Variants in CSMD2 observed in about 807,000 individuals in gnomAD.
CSMD2 encodes CUB and sushi domain-containing protein 2.
CSMD2 carries 130 observed loss-of-function variants against 398.5 expected under a neutral mutation model. The ratio of observed to expected loss-of-function variants is 0.33; its 90% CI spans 0.28 to 0.38. The LOEUF (loss-of-function observed/expected upper bound fraction) is 0.38, where lower values mean the gene tolerates loss of function less well. Ranked by LOEUF, CSMD2 falls within the 10% of genes least tolerant of loss-of-function variation. The pLI is 1.00. For synonymous variants in CSMD2, 1,828 were observed against 1,908.5 expected, an observed-to-expected ratio of 0.96 and a Z score of 1.10; for missense variants, 3,829 against 4,764.9, an observed-to-expected ratio of 0.80 and a Z score of 5.78.
rs916813751 is a variant in CSMD2 at position 33,575,125 on chromosome 1, G to A, written c.7576+2171C>T. ...CCCGGTGGTAAGAGGGACACTTCCT[G>A]TGGGTAGGAGGAGGAGGGGATACAA... On this transcript the variant is annotated intron_variant, in intron 49 of 70. Coordinates refer to ENST00000373381, the MANE Select transcript of CSMD2 (RefSeq NM_001281956.2). Among the ~76,000 whole-genome samples, 3 of 152,196 alleles carry A rather than the reference G, an allele frequency of 2.0e-5. No homozygotes were observed. The East Asian group carries it at 5.8e-4, about 29-fold the overall frequency.
chr1:33,854,081 C>T (rs1216958559), intron 5 of CSMD2, among the ~76,000 whole-genome samples: 1 of 152,170 alleles, frequency 6.6e-6, no homozygotes, highest in Non-Finnish European at 1.5e-5. Context: ...TTGATCCATC[C>T]CCATTCTTTT....
chr1:33,897,866 C>T (rs755208671), intron 5 of CSMD2, among the ~76,000 whole-genome samples: 19 of 152,188 alleles, frequency 1.2e-4, no homozygotes, highest in Non-Finnish European at 2.6e-4. Flanking sequence ...CCTCAATTCT[C>T]CCAGAGACCC....
intron 10 of CSMD2, among the ~76,000 whole-genome samples, chr1:33,800,999 T>C (rs1049497358): frequency 6.6e-6 from 1 of 152,136 alleles, no homozygotes; most frequent in Non-Finnish European, 1.5e-5. Flanking sequence ...CCAACGAGTA[T>C]GTCCCTGACA....
intron 25 of CSMD2, among the ~76,000 whole-genome samples, chr1:33,677,908 T>G (rs920746873): frequency 1.4e-4 from 17 of 125,540 alleles, no homozygotes; most frequent in Non-Finnish European, 9.3e-5. Flanking sequence ...AATTGAACAA[T>G]GAGAACACGT....
intron 19 of CSMD2, among the ~76,000 whole-genome samples, chr1:33,723,889 C>G (rs959957858): frequency 2.6e-5 from 4 of 152,214 alleles, no homozygotes; most frequent in Non-Finnish European, 5.9e-5. Context: ...GTGAGCTGAG[C>G]TGGCGTGTTG....
At chr1:33,796,977 C>T (rs1208167677) in intron 10 of CSMD2, among the ~76,000 whole-genome samples, 4 of 152,092 alleles carry the variant, frequency 2.6e-5, no homozygotes, top group East Asian at 1.9e-4. Flanking sequence ...ATTAGGGTGG[C>T]GAAAAAAACC....
intron 25 of CSMD2, among the ~76,000 whole-genome samples, chr1:33,687,562 T>TA (rs560690228): frequency 4.0e-4 from 61 of 151,574 alleles, no homozygotes; most frequent in Admixed American, 3.0e-3. Context: ...GAGTTAACAA[T>TA]AAAAAAAAGC....
intron 35 of CSMD2, among the ~76,000 whole-genome samples, 186 bp from the exon 36 acceptor site, chr1:33,623,652 G>A (rs1641914802): frequency 6.6e-6 from 1 of 152,250 alleles, no homozygotes; most frequent in South Asian, 2.1e-4. Context: ...TCGTTGTCCA[G>A]TGGGGAAGAC....
At chr1:33,821,411 G>A (rs1338236187) in intron 7 of CSMD2, among the ~76,000 whole-genome samples, 3 of 152,184 alleles carry the variant, frequency 2.0e-5, no homozygotes, top group Non-Finnish European at 4.4e-5. Context: ...TCCTGGCTTT[G>A]AGGATGACCA....
intron 1 of CSMD2, among the ~76,000 whole-genome samples, chr1:34,095,570 A>C (rs1659187972): frequency 6.6e-6 from 1 of 152,066 alleles, no homozygotes; most frequent in Admixed American, 6.5e-5. Context: ...AAAAATGATA[A>C]AGGGGATATC....
At chr1:33,962,434 C>G (rs1361487286) in intron 3 of CSMD2, among the ~76,000 whole-genome samples, 1 of 129,228 alleles carries the variant, frequency 7.7e-6, no homozygotes, top group Non-Finnish European at 1.7e-5. Flanking sequence ...AATCCAGCCA[C>G]TTTCAAGCAA....
intron 5 of CSMD2, among the ~76,000 whole-genome samples, chr1:33,905,035 G>C (rs1460133024): frequency 1.9e-4 from 29 of 151,928 alleles, no homozygotes. Context: ...GAACTCCTGA[G>C]CTCAAGCAGT....
intron 13 of CSMD2, among the ~76,000 whole-genome samples, chr1:33,761,177 T>A (rs1254757753): frequency 6.6e-6 from 1 of 152,142 alleles, no homozygotes; most frequent in African/African-American, 2.4e-5. Context: ...GGATATTCTG[T>A]CAGTCTTGAG....
chr1:33,867,316 C>T (rs1047258060), intron 5 of CSMD2, among the ~76,000 whole-genome samples: 1 of 152,104 alleles, frequency 6.6e-6, no homozygotes, highest in African/African-American at 2.4e-5. Context: ...GTCCACCAAC[C>T]ACAAGGAACT....
chr1:33,977,159 G>A (rs570579762), intron 3 of CSMD2, among the ~76,000 whole-genome samples: 8 of 152,042 alleles, frequency 5.3e-5, no homozygotes, highest in Non-Finnish European at 1.2e-4. Flanking sequence ...GGGTGCTGGA[G>A]GTAAACAGCT....
intron 14 of CSMD2, among the ~76,000 whole-genome samples, chr1:33,742,241 G>A (rs894538957): frequency 1.3e-5 from 2 of 152,182 alleles, no homozygotes; most frequent in African/African-American, 4.8e-5. Flanking sequence ...TCTTGGAATC[G>A]GGGGACCCAA....
At position 33,567,537 on chromosome 1, in the gene CSMD2, G is replaced by A. The variant is rs1008023482; in HGVS notation, c.8380+56C>T. On this transcript the variant is annotated intron_variant, in intron 53 of 70. Coordinates refer to ENST00000373381, the MANE Select transcript of CSMD2 (RefSeq NM_001281956.2). The stretch of plus-strand genomic sequence containing the variant: ...AGCTAATCTAATTAAGAGACAGGGA[G>A]AAAGTCCATGTTGAATCTGAGCCCC... 2.9e-5 allele frequency: 45 copies of A among 1,567,678 alleles called. No individual in the cohort carries two copies. In the Admixed American group the frequency reaches 7.5e-4, roughly 26 times the overall value.
chr1:33,864,897 G>A (rs1418319577), intron 5 of CSMD2: 4 of 451,426 alleles, frequency 8.9e-6, no homozygotes, highest in African/African-American at 6.8e-5. Context: ...GGAGGGGAAC[G>A]GAGAGGACGG....
rs1289216560 is a variant in CSMD2 at position 34,165,152 on chromosome 1, G to A, written c.-55C>T. 1 of 1,203,368 alleles carries A rather than the reference G, an allele frequency of 8.3e-7. No individual in the cohort carries two copies. Among genetic ancestry groups the A allele is most frequent in the African/African-American group, 1.6e-5 (1 of 63,340 alleles). The allele number at this position is 1,203,368 out of a possible 1,614,324, so 74.5% of individuals were successfully genotyped here. A position where few individuals can be genotyped will look rare whatever the true frequency, so the allele number is the denominator to read the frequency against. On this transcript the variant is annotated 5_prime_UTR_variant, in exon 1 of 71. Coordinates refer to ENST00000373381, the MANE Select transcript of CSMD2 (RefSeq NM_001281956.2). Reference sequence around the variant, plus strand: ...TCCGCTCGCCGCCGAGGAGAAAGGAGGTCAGGAGAGCTCTGGAGCTTTTTT... The same window carrying A: ...TCCGCTCGCCGCCGAGGAGAAAGGAAGTCAGGAGAGCTCTGGAGCTTTTTT...
Sources: gnomAD v4.1 joint callset for allele counts (sites outside exome capture counted in the v4.1 genomes callset) on GRCh38, gnomAD v4.1.1 for gene constraint, MANE v1.5 for transcripts, NCBI Gene and HGNC (gene_info 2026-07-23, HGNC 2026-07-21) for gene names.